The following AGAP1 variants were observed in gnomAD, a reference collection of about 807,000 sequenced individuals.
The protein encoded by AGAP1 is ArfGAP with GTPase domain, ankyrin repeat and PH domain 1.
AGAP1 carries 29 observed loss-of-function variants against 105.3 expected under a neutral mutation model. The observed-to-expected ratio is 0.28, with a 90% CI of 0.21 to 0.38. The LOEUF (loss-of-function observed/expected upper bound fraction) is 0.38, where lower values mean the gene tolerates loss of function less well. Among genes scored for constraint, AGAP1 ranks in the 10% least tolerant of loss-of-function variants. The pLI is 1.00. For missense variants in AGAP1, 998 were observed against 1,165.1 expected (o/e 0.86, Z 2.09); for synonymous variants, 509 against 485.9 (o/e 1.05, Z -0.63).
intron 13 of AGAP1, among the ~76,000 whole-genome samples, chr2:235,984,804 A>G (rs1161173389): frequency 6.6e-6 from 1 of 152,128 alleles, no homozygotes; most frequent in Non-Finnish European, 1.5e-5. Flanking sequence ...ATGGCTGCAT[A>G]GTATTCCATG....
At chr2:236,026,502 G>T (rs1166145302) in intron 13 of AGAP1, among the ~76,000 whole-genome samples, 3 of 152,226 alleles carry the variant, frequency 2.0e-5, no homozygotes, top group Admixed American at 2.0e-4. Flanking sequence ...GCTGAGGCAG[G>T]CACATCACCT....
chr2:235,923,430 AG>A (rs1559650933), intron 11 of AGAP1, among the ~76,000 whole-genome samples: 1 of 151,550 alleles, frequency 6.6e-6, no homozygotes, highest in Non-Finnish European at 1.5e-5. Flanking sequence ...CATAAGTCAT[AG>A]CCACGTTTAC....
At chr2:235,909,417 T>A (rs2125044631) in intron 11 of AGAP1, among the ~76,000 whole-genome samples, 1 of 152,338 alleles carries the variant, frequency 6.6e-6, no homozygotes, top group African/African-American at 2.4e-5. Context: ...TTTTTTTCAT[T>A]CAGGATCAGA....
intron 6 of AGAP1, among the ~76,000 whole-genome samples, chr2:235,773,156 C>T (rs144883514): frequency 1.6e-4 from 25 of 152,256 alleles, no homozygotes; most frequent in African/African-American, 5.1e-4. Flanking sequence ...AGCATAGGGG[C>T]TCAAGAACCC....
intron 6 of AGAP1, among the ~76,000 whole-genome samples, chr2:235,762,572 C>T (rs1287032224): frequency 6.6e-6 from 1 of 152,052 alleles, no homozygotes; most frequent in African/African-American, 2.4e-5. Flanking sequence ...CTTTGTTTTC[C>T]TAAGAGAAAA....
chr2:236,112,083 C>A (rs752047018), intron 16 of AGAP1, among the ~76,000 whole-genome samples: 6 of 152,238 alleles, frequency 3.9e-5, no homozygotes, highest in Non-Finnish European at 7.4e-5. Context: ...TGTGATGATT[C>A]GCCCCCACCC....
intron 6 of AGAP1, among the ~76,000 whole-genome samples, chr2:235,774,674 G>T (rs1451221272): frequency 6.6e-6 from 1 of 152,212 alleles, no homozygotes; most frequent in African/African-American, 2.4e-5. Context: ...CAGGCTGCCT[G>T]CATCTTTATG....
rs1229500101 is a variant in AGAP1 at position 235,607,023 on chromosome 2, TCATCTGGCC to T, written c.164-102152_164-102144del. 2.7e-5 allele frequency among the ~76,000 whole-genome samples: 4 copies of T among 149,972 alleles called. No homozygotes were observed. In the East Asian group the frequency reaches 6.1e-4, roughly 23 times the overall value. On this transcript the variant is annotated intron_variant, in intron 1 of 17. Transcript: ENST00000304032. ...ACGAACCTGTTTCACACATATTATCTCATCTGGCCCATGAGACTGGCAGGTGAGAAAAAT... is the reference window on the plus strand; with the variant it reads ...ACGAACCTGTTTCACACATATTATCTCATGAGACTGGCAGGTGAGAAAAAT...
chr2:236,018,540 G>C (rs1368460951), intron 13 of AGAP1, among the ~76,000 whole-genome samples: 1 of 152,178 alleles, frequency 6.6e-6, no homozygotes, highest in African/African-American at 2.4e-5. Context: ...GTGAACACAT[G>C]GGCTCTTTCA....
In AGAP1 at chr2:235,732,175, G is replaced by A. The variant is rs978910469; in HGVS notation, c.311-8788G>A. 1.3e-5 allele frequency among the ~76,000 whole-genome samples: 2 copies of A among 152,168 alleles called. No homozygotes were observed. Among genetic ancestry groups the A allele is most frequent in the Admixed American group, 6.5e-5 (1 of 15,274 alleles). ...CTTCGAATAGTCTTTGAGTTCTTTT[G>A]TTGTGGATGTGTTGTCAGAGATACC... On this transcript the variant is annotated intron_variant, in intron 3 of 17. Coordinates refer to ENST00000304032, the MANE Select transcript of AGAP1 (RefSeq NM_001037131.3). The surrounding 1 kb of genome is among the most constrained non-coding windows in gnomAD (Gnocchi z 4.8).
At position 235,882,318 on chromosome 2, in the gene AGAP1, A is replaced by G; in HGVS notation, c.1051-1027A>G. 5 of 870,356 alleles carry G rather than the reference A, an allele frequency of 5.7e-6. No homozygotes were observed. The highest frequency in any genetic ancestry group is 1.5e-5 in the South Asian group (1 of 66,430). The allele number at this position is 870,356 out of a possible 1,614,324, so 53.9% of individuals were successfully genotyped here. A position where few individuals can be genotyped will look rare whatever the true frequency, so the allele number is the denominator to read the frequency against. On this transcript the variant is annotated intron_variant, in intron 9 of 17. Transcript: ENST00000304032. The surrounding 1 kb of genome is among the most constrained non-coding windows in gnomAD (Gnocchi z 4.6). ...CAGGTCGCTCTTCCTCCACATCACA[A>G]CTGGGGTCTTAAGGATGACGAGGGC...
chr2:235,787,142 G>C lies in AGAP1; in HGVS notation c.674-10617G>C, dbSNP rs1211379424. Among the ~76,000 whole-genome samples, 1 of 152,162 alleles carries C rather than the reference G, an allele frequency of 6.6e-6. No homozygotes were observed. The highest frequency in any genetic ancestry group is 1.5e-5 in the Non-Finnish European group (1 of 68,044). The stretch of plus-strand genomic sequence containing the variant: ...GCTCCGGTTCTCACTTCTTGTCTTT[G>C]AGTTCTCAGGCTTCTCCCCTCTCCT... On this transcript the variant is annotated intron_variant, in intron 6 of 17. Transcript: ENST00000304032. This position sits in a 1 kb window ranked among gnomAD's most constrained non-coding sequence, Gnocchi z 4.4.
At position 236,001,801 on chromosome 2, in the gene AGAP1, A is replaced by G. The variant is rs551223655; in HGVS notation, c.1645+33178A>G. On this transcript the variant is annotated intron_variant, in intron 13 of 17. Coordinates refer to ENST00000304032, the MANE Select transcript of AGAP1 (RefSeq NM_001037131.3). This position sits in a 1 kb window ranked among gnomAD's most constrained non-coding sequence, Gnocchi z 4.7. ...TTCCACAAGCTGTTTGAAAGGCCACAGGGCACTGCGTGGAATGCGTGGTCT... is the reference window on the plus strand; with the variant it reads ...TTCCACAAGCTGTTTGAAAGGCCACGGGGCACTGCGTGGAATGCGTGGTCT... Among the ~76,000 whole-genome samples, 1 of 152,348 alleles carries G rather than the reference A, an allele frequency of 6.6e-6. No homozygotes were observed. The highest frequency in any genetic ancestry group is 1.9e-4 in the East Asian group (1 of 5,190).
rs1950924625 is a variant in AGAP1 at position 235,712,927 on chromosome 2, A to G, written c.222+3690A>G. Among the ~76,000 whole-genome samples the G allele has an allele frequency of 1.3e-5, 2 of 152,242 alleles. No individual in the cohort carries two copies. Among genetic ancestry groups the G allele is most frequent in the African/African-American group, 4.8e-5 (2 of 41,538 alleles). ...TTATTTTATTTTCCTTTCACCATCA[A>G]CTGTTAATTTCCACCAGCGTTTCAA... On this transcript the variant is annotated intron_variant, in intron 2 of 17. Coordinates refer to ENST00000304032, the MANE Select transcript of AGAP1 (RefSeq NM_001037131.3). This position sits in a 1 kb window ranked among gnomAD's most constrained non-coding sequence, Gnocchi z 6.0.
intron 12 of AGAP1, among the ~76,000 whole-genome samples, chr2:235,940,569 A>G (rs2053213179): frequency 6.6e-6 from 1 of 152,196 alleles, no homozygotes; most frequent in African/African-American, 2.4e-5. Flanking sequence ...GCGTGTGTAC[A>G]TCACTGCAGA....
Position 235,744,161 on chromosome 2 carries a change from C to T in AGAP1, c.397-537C>T, listed in dbSNP as rs1264893321. The stretch of plus-strand genomic sequence containing the variant: ...TGCAGAGGTGCAGCAGGAGTTCAGC[C>T]AAGGATGAGCCTGGGTTGAATCTTT... On this transcript the variant is annotated intron_variant, in intron 4 of 17. Coordinates refer to ENST00000304032, the MANE Select transcript of AGAP1 (RefSeq NM_001037131.3). This position sits in a 1 kb window ranked among gnomAD's most constrained non-coding sequence, Gnocchi z 5.2. 4.6e-5 allele frequency among the ~76,000 whole-genome samples: 7 copies of T among 152,116 alleles called. No individual in the cohort carries two copies. In the East Asian group the frequency reaches 1.2e-3, roughly 25 times the overall value.
chr2:235,545,404 G>A (rs1286486531), intron 1 of AGAP1, among the ~76,000 whole-genome samples: 1 of 152,208 alleles, frequency 6.6e-6, no homozygotes. Context: ...GTTCTGCAGG[G>A]CTGGCGTGTG....
rs1283952910 is a variant in AGAP1 at position 235,633,329 on chromosome 2, C to T, written c.164-75850C>T. Reference sequence around the variant, plus strand: ...CATGAGCGGGCCGGGCGTGGTGGCTCATGCCTGTAATCCTAGCACTTTGGG... The same window carrying T: ...CATGAGCGGGCCGGGCGTGGTGGCTTATGCCTGTAATCCTAGCACTTTGGG... On this transcript the variant is annotated intron_variant, in intron 1 of 17. Coordinates refer to ENST00000304032, the MANE Select transcript of AGAP1 (RefSeq NM_001037131.3). This position sits in a 1 kb window ranked among gnomAD's most constrained non-coding sequence, Gnocchi z 4.8. 2.6e-5 allele frequency among the ~76,000 whole-genome samples: 4 copies of T among 152,068 alleles called. No individual in the cohort carries two copies. The highest frequency in any genetic ancestry group is 5.9e-5 in the Non-Finnish European group (4 of 68,012).
rs1286762932 is a variant in AGAP1 at position 236,053,662 on chromosome 2, C to T, written c.2114+4381C>T. On this transcript the variant is annotated intron_variant, in intron 16 of 17. Coordinates refer to ENST00000304032, the MANE Select transcript of AGAP1 (RefSeq NM_001037131.3). This position sits in a 1 kb window ranked among gnomAD's most constrained non-coding sequence, Gnocchi z 4.6. ...TGTGTCCTGGTGTCAAAGCATTTGGCCCCCAAGGCCCTGCAGGGACTCGCT... is the reference window on the plus strand; with the variant it reads ...TGTGTCCTGGTGTCAAAGCATTTGGTCCCCAAGGCCCTGCAGGGACTCGCT... 6.6e-6 allele frequency among the ~76,000 whole-genome samples: 1 copy of T among 152,228 alleles called. No homozygotes were observed. Among genetic ancestry groups the T allele is most frequent in the African/African-American group, 2.4e-5 (1 of 41,462 alleles).
Sources: allele counts gnomAD v4.1 joint callset (sites outside exome capture counted in the v4.1 genomes callset), GRCh38; gene constraint gnomAD v4.1.1; non-coding constraint Gnocchi (gnomAD v3.1); transcripts MANE v1.5; gene names NCBI Gene and HGNC (gene_info 2026-07-23, HGNC 2026-07-21).